Variants in LOC400499 observed in about 807,000 individuals in gnomAD.
At chr16:11,399,835 C>T in the LOC400499 span, 8 of 398,686 alleles carry the variant, frequency 2.0e-5, no homozygotes, top group South Asian at 2.5e-4. Context: ...GATGGGAGGG[C>T]AGTGGTGGGG....
At chr16:11,516,055 G>A in the LOC400499 span, 4 of 399,336 alleles carry the variant, frequency 1.0e-5, no homozygotes, top group East Asian at 1.1e-4. Context: ...ATCGGCCCAG[G>A]ATGTCCACCT....
chr16:11,380,702 T>TAA, the LOC400499 span, among the ~76,000 whole-genome samples: 4 of 151,852 alleles, frequency 2.6e-5, no homozygotes, highest in Non-Finnish European at 4.4e-5. Flanking sequence ...GCCCTTGATT[T>TAA]AAAAAAATAA....
chr16:11,412,170 C>G, the LOC400499 span, among the ~76,000 whole-genome samples: 2 of 152,134 alleles, frequency 1.3e-5, no homozygotes, highest in Middle Eastern at 3.2e-3. Flanking sequence ...AGGCCTCTCT[C>G]CCCTGTTGCT....
the LOC400499 span, among the ~76,000 whole-genome samples, chr16:11,508,367 C>G: frequency 6.6e-6 from 1 of 152,244 alleles, no homozygotes; most frequent in Non-Finnish European, 1.5e-5. Flanking sequence ...GTGTTTCTAA[C>G]TTTGCTGTGG....
At chr16:11,497,596 G>C in the LOC400499 span, among the ~76,000 whole-genome samples, 21 of 152,324 alleles carry the variant, frequency 1.4e-4, no homozygotes, top group East Asian at 3.9e-3. Flanking sequence ...TGTGGGGCAG[G>C]CTGGTGCCAC....
the LOC400499 span, chr16:11,457,059 C>G: frequency 4.0e-6 from 6 of 1,500,340 alleles, no homozygotes; most frequent in Non-Finnish European, 2.7e-6. Context: ...GCCCACCCCC[C>G]CAAGATGCCA....
the LOC400499 span, among the ~76,000 whole-genome samples, chr16:11,407,653 G>T: frequency 1.3e-5 from 2 of 152,222 alleles, no homozygotes; most frequent in African/African-American, 4.8e-5. Flanking sequence ...GCAGACAGCA[G>T]GGGGCAGTCT....
the LOC400499 span, chr16:11,407,098 G>A: frequency 1.3e-5 from 5 of 396,204 alleles, no homozygotes; most frequent in African/African-American, 2.1e-5. Flanking sequence ...CTGTCCTTCC[G>A]CCCAGGAACC....
the LOC400499 span, among the ~76,000 whole-genome samples, chr16:11,451,932 G>A: frequency 1.3e-5 from 2 of 152,196 alleles, no homozygotes; most frequent in African/African-American, 4.8e-5. Flanking sequence ...GCGGGAAGAT[G>A]GCACCACAGA....
At chr16:11,492,714 G>A in the LOC400499 span, among the ~76,000 whole-genome samples, 6 of 151,962 alleles carry the variant, frequency 3.9e-5, no homozygotes, top group Non-Finnish European at 5.9e-5. Flanking sequence ...GAACCCAGGA[G>A]GCAGAGCTTG....
chr16:11,464,023 G>A, the LOC400499 span, among the ~76,000 whole-genome samples: 2 of 152,282 alleles, frequency 1.3e-5, no homozygotes, highest in South Asian at 4.1e-4. Flanking sequence ...GCATTTGGAT[G>A]TGTGTGAATA....
the LOC400499 span, among the ~76,000 whole-genome samples, chr16:11,372,979 C>G: frequency 6.6e-6 from 1 of 152,238 alleles, no homozygotes; most frequent in African/African-American, 2.4e-5. Flanking sequence ...TGCTGAGTTC[C>G]TTGGAAATTG....
At chr16:11,523,574 A>C in the LOC400499 span, 1 of 396,720 alleles carries the variant, frequency 2.5e-6, no homozygotes, top group Non-Finnish European at 4.4e-6. Context: ...GAAGATGAGA[A>C]ATGATAATGC....
the LOC400499 span, among the ~76,000 whole-genome samples, chr16:11,449,729 C>T: frequency 6.6e-6 from 1 of 152,214 alleles, no homozygotes; most frequent in African/African-American, 2.4e-5. Context: ...CCTTGGTTCC[C>T]CACCATCAAC....
At chr16:11,407,264 G>T in the LOC400499 span, 4 of 398,864 alleles carry the variant, frequency 1.0e-5, no homozygotes, top group Non-Finnish European at 1.8e-5. Context: ...TACCTGCCGG[G>T]TGCTGATGTG....
the LOC400499 span, among the ~76,000 whole-genome samples, chr16:11,382,731 A>AT: frequency 2.0e-5 from 3 of 152,026 alleles, no homozygotes; most frequent in African/African-American, 7.2e-5. Context: ...AACTGCTTGA[A>AT]CCCAGGAGGT....
chr16:11,404,628 T>C, the LOC400499 span: 2 of 398,400 alleles, frequency 5.0e-6, no homozygotes, highest in African/African-American at 2.1e-5. Flanking sequence ...ATTACAGGCA[T>C]GAGCCACCGC....
the LOC400499 span, chr16:11,500,801 C>T: frequency 1.8e-5 from 7 of 399,136 alleles, no homozygotes; most frequent in East Asian, 2.1e-4. Flanking sequence ...TGCAGGGACT[C>T]ACCAGCAGCA....
chr16:11,401,029 G>A, the LOC400499 span, among the ~76,000 whole-genome samples: 1 of 152,316 alleles, frequency 6.6e-6, no homozygotes, highest in East Asian at 1.9e-4. Flanking sequence ...TAAAATGTGA[G>A]CTATCTTCAA....
Sources: allele counts gnomAD v4.1 joint callset (sites outside exome capture counted in the v4.1 genomes callset), GRCh38; gene constraint gnomAD v4.1.1; transcripts MANE v1.5.